Variants in JDP2 observed in about 807,000 individuals in gnomAD.
The protein encoded by JDP2 is progesterone receptor co-activator.
Under a neutral mutation model 17.1 loss-of-function variants are expected in JDP2, and 9 were observed. That is an observed-to-expected ratio of 0.53 (90% CI 0.32 to 0.92). The LOEUF is 0.92. Among genes scored for constraint, JDP2 ranks in the 40% least tolerant of loss-of-function variants. The pLI is 0.04. For missense variants in JDP2, 179 were observed against 220.0 expected (o/e 0.81, Z 1.18); for synonymous variants, 107 against 95.6 (o/e 1.12, Z -0.69).
intron 2 of JDP2, among the ~76,000 whole-genome samples, chr14:75,453,170 G>T (rs175645): frequency 0.29 from 43,860 of 151,696 alleles, 6,694 homozygotes; most frequent in Admixed American, 0.36. Context: ...TTGATGGGGG[G>T]TGGGGGAGTG....
rs1886864485 is a variant in JDP2 at position 75,473,972 on chromosome 14, T to G, written c.*4497T>G. On this transcript the variant is annotated 3_prime_UTR_variant, in exon 4 of 4. Coordinates refer to ENST00000651602, the MANE Select transcript of JDP2 (RefSeq NM_001135048.2). Reference sequence around the variant, plus strand: ...CTATACACATAACATTTCATTTATTTTTTTAAAATCCCCATCAAATGTAGA... The same window carrying G: ...CTATACACATAACATTTCATTTATTGTTTTAAAATCCCCATCAAATGTAGA... 3 of 152,222 alleles carry G rather than the reference T, an allele frequency of 2.0e-5. No individual in the cohort carries two copies. The highest frequency in any genetic ancestry group is 2.0e-4 in the Admixed American group (3 of 15,278). The allele number at this position is 152,222 out of a possible 1,614,324, so 9.4% of individuals were successfully genotyped here.
At chr14:75,439,946 C>T (rs376646971) in intron 2 of JDP2, among the ~76,000 whole-genome samples, 2 of 152,266 alleles carry the variant, frequency 1.3e-5, no homozygotes, top group East Asian at 3.9e-4. Flanking sequence ...GGGCAGAGGT[C>T]GTCAAGCTGG....
chr14:75,453,716 G>A (rs1371900997), intron 2 of JDP2, among the ~76,000 whole-genome samples: 1 of 152,186 alleles, frequency 6.6e-6, no homozygotes, highest in Non-Finnish European at 1.5e-5. Context: ...CAGAGCTTCT[G>A]GAGGAACTCA....
chr14:75,450,142 G>A (rs1259933281), intron 2 of JDP2, among the ~76,000 whole-genome samples: 4 of 152,164 alleles, frequency 2.6e-5, no homozygotes, highest in Admixed American at 6.6e-5. Context: ...GCTGAGATAC[G>A]AGGAGACTGA....
Position 75,429,566 on chromosome 14 carries a change from TC to T in JDP2, c.-24+1317del, listed in dbSNP as rs144340174. On this transcript the variant is annotated intron_variant, in intron 1 of 3. Coordinates refer to ENST00000651602, the MANE Select transcript of JDP2 (RefSeq NM_001135048.2). ...TTCCCTGAGGGTTTTAAAAAACACT[TC>T]CCATTGCTTTTACCTTTCCAGCAAA... Among the ~76,000 whole-genome samples the T allele has an allele frequency of 2.7e-3, 413 of 152,210 alleles. 2 individuals carry two copies. Among genetic ancestry groups the T allele is most frequent in the African/African-American group, 9.5e-3 (393 of 41,536 alleles).
At position 75,430,506 on chromosome 14, in the gene JDP2, A is replaced by G. The variant is rs1884747224; in HGVS notation, c.-24+2254A>G. Among the ~76,000 whole-genome samples, 1 of 152,178 alleles carries G rather than the reference A, an allele frequency of 6.6e-6. No homozygotes were observed. The highest frequency in any genetic ancestry group is 1.5e-5 in the Non-Finnish European group (1 of 68,034). ...TATGGGTATGTGTGTGTGCATACCT[A>G]TATAGGCAGGGGAGGGCAGCAGGCA... On this transcript the variant is annotated intron_variant, in intron 1 of 3. Transcript: ENST00000651602. This position sits in a 1 kb window ranked among gnomAD's most constrained non-coding sequence, Gnocchi z 4.5.
chr14:75,464,966 G>A (rs1041019517), intron 3 of JDP2, among the ~76,000 whole-genome samples: 2 of 152,194 alleles, frequency 1.3e-5, no homozygotes, highest in African/African-American at 4.8e-5. Flanking sequence ...TCACACTCCC[G>A]TGGTGCCCTC....
intron 3 of JDP2, 23 bp from the exon 4 acceptor site, chr14:75,469,267 C>T (rs376348663): frequency 2.2e-4 from 358 of 1,603,206 alleles, no homozygotes; most frequent in Non-Finnish European, 2.7e-4. Flanking sequence ...AAACTCACAG[C>T]GTGCTTCTGT....
rs2140004258 is a variant in JDP2 at position 75,469,520 on chromosome 14, A to T, written c.*45A>T. 2 of 1,583,248 alleles carry T rather than the reference A, an allele frequency of 1.3e-6. No individual in the cohort carries two copies. The highest frequency in any genetic ancestry group is 4.5e-5 in the East Asian group (2 of 44,296). ...GGAGGAGGAGGAAGAGGAGAAGGAA[A>T]AGTGACGAAGAGAGAGGAGGAGGGG... On this transcript the variant is annotated 3_prime_UTR_variant, in exon 4 of 4. Transcript: ENST00000651602.
At chr14:75,432,094 C>A in intron 1 of JDP2, 1 of 543,190 alleles carries the variant, frequency 1.8e-6, no homozygotes, top group Middle Eastern at 4.8e-4. Context: ...CCACTCTTAA[C>A]CCCCCCTTCC....
chr14:75,445,035 A>G (rs1885530552), intron 2 of JDP2: 1 of 903,876 alleles, frequency 1.1e-6, no homozygotes. Flanking sequence ...TAGCAGCCTT[A>G]AGAAGGGCTG....
intron 2 of JDP2, among the ~76,000 whole-genome samples, chr14:75,446,593 T>C (rs991198049): frequency 3.9e-5 from 6 of 152,162 alleles, no homozygotes; most frequent in African/African-American, 7.2e-5. Flanking sequence ...AGATGAAATG[T>C]CCAGAATAGG....
chr14:75,450,429 C>T (rs1406261860), intron 2 of JDP2, among the ~76,000 whole-genome samples: 13 of 152,204 alleles, frequency 8.5e-5, no homozygotes, highest in Non-Finnish European at 1.0e-4. Context: ...GCCCTGCTTC[C>T]CACACTGTTT....
chr14:75,459,657 C>G (rs1486780438), intron 2 of JDP2, among the ~76,000 whole-genome samples: 1 of 152,194 alleles, frequency 6.6e-6, no homozygotes, highest in Non-Finnish European at 1.5e-5. Flanking sequence ...CTTGGGCTGC[C>G]AGAGTCACCC....
chr14:75,469,808 G>C lies in JDP2; in HGVS notation c.*333G>C. ...ACGAGGCAGCCCTGGGCTCTTCTCT[G>C]GCCTCTTCACCAGGGCACCCATCCA... On this transcript the variant is annotated 3_prime_UTR_variant, in exon 4 of 4. Coordinates refer to ENST00000651602, the MANE Select transcript of JDP2 (RefSeq NM_001135048.2). 1 of 234,458 alleles carries C rather than the reference G, an allele frequency of 4.3e-6. No homozygotes were observed. Among genetic ancestry groups the C allele is most frequent in the Non-Finnish European group, 8.3e-6 (1 of 119,876 alleles). The allele number at this position is 234,458 out of a possible 1,614,324, so 14.5% of individuals were successfully genotyped here.
intron 2 of JDP2, among the ~76,000 whole-genome samples, chr14:75,443,795 T>C (rs757086894): frequency 1.3e-5 from 2 of 152,216 alleles, no homozygotes; most frequent in Non-Finnish European, 2.9e-5. Flanking sequence ...TCTATGTCCT[T>C]AGCAGAAATC....
intron 3 of JDP2, 139 bp from the exon 4 acceptor site, chr14:75,469,151 C>T (rs1222281308): frequency 5.7e-6 from 4 of 705,876 alleles, no homozygotes; most frequent in Non-Finnish European, 9.2e-6. Context: ...GCCAGGGGCT[C>T]AGTAGCAGGG....
chr14:75,467,734 C>T (rs907380428), intron 3 of JDP2, among the ~76,000 whole-genome samples: 3 of 152,166 alleles, frequency 2.0e-5, no homozygotes, highest in African/African-American at 7.2e-5. Context: ...CACGAGGGGT[C>T]TCTCCTGGCC....
Position 75,469,526 on chromosome 14 carries a change from C to T in JDP2, c.*51C>T, listed in dbSNP as rs766174095. ...GGAGGAAGAGGAGAAGGAAAAGTGA[C>T]GAAGAGAGAGGAGGAGGGGGGCCCC... On this transcript the variant is annotated 3_prime_UTR_variant, in exon 4 of 4. Coordinates refer to ENST00000651602, the MANE Select transcript of JDP2 (RefSeq NM_001135048.2). 280 of 1,567,322 alleles carry T rather than the reference C, an allele frequency of 1.8e-4. 1 individual carries two copies. The highest frequency in any genetic ancestry group is 1.1e-3 in the South Asian group (90 of 85,568).
Sources: gnomAD v4.1 joint callset for allele counts (sites outside exome capture counted in the v4.1 genomes callset) on GRCh38, gnomAD v4.1.1 for gene constraint, Gnocchi (gnomAD v3.1) non-coding constraint, MANE v1.5 for transcripts, NCBI Gene and HGNC (gene_info 2026-07-23, HGNC 2026-07-21) for gene names.